The following LRBA variants were observed in gnomAD, a reference collection of about 807,000 sequenced individuals.
LRBA encodes the protein lipopolysaccharide-responsive and beige-like anchor protein.
In LRBA, 176 loss-of-function variants were observed where a neutral mutation model predicts 330.0. The ratio of observed to expected loss-of-function variants is 0.53; its 90% CI spans 0.47 to 0.60. LRBA has a LOEUF of 0.60. LRBA is among the 20% of genes least tolerant of loss of function. LRBA has a pLI of 0.00. For synonymous variants in LRBA, 1,230 were observed against 1,193.0 expected (o/e 1.03, Z -0.64); for missense variants, 3,259 against 3,444.8 (o/e 0.95, Z 1.35).
chr4:150,379,640 C>G (rs1229234481), intron 47 of LRBA, among the ~76,000 whole-genome samples: 1 of 152,128 alleles, frequency 6.6e-6, no homozygotes, highest in East Asian at 1.9e-4. Context: ...AAACTATCAT[C>G]ATTACAGGAA....
chr4:150,472,848 G>T (rs1402223866), intron 42 of LRBA, among the ~76,000 whole-genome samples: 1 of 152,002 alleles, frequency 6.6e-6, no homozygotes, highest in Non-Finnish European at 1.5e-5. Context: ...TTGCTGACTA[G>T]TATCCCACTG....
chr4:150,521,467 CT>C (rs776259019), intron 40 of LRBA, among the ~76,000 whole-genome samples: 2 of 152,096 alleles, frequency 1.3e-5, no homozygotes, highest in Non-Finnish European at 2.9e-5. Flanking sequence ...GTTGCCTGGT[CT>C]GGTCTTGAAC....
intron 40 of LRBA, among the ~76,000 whole-genome samples, chr4:150,587,040 A>C (rs1344440976): frequency 1.3e-5 from 2 of 152,172 alleles, no homozygotes; most frequent in Non-Finnish European, 2.9e-5. Flanking sequence ...AGCTCAAAAC[A>C]ATCAGTTTCA....
chr4:150,630,302 G>C (rs980634489), intron 37 of LRBA, among the ~76,000 whole-genome samples: 1 of 152,110 alleles, frequency 6.6e-6, no homozygotes, highest in Admixed American at 6.6e-5. Flanking sequence ...ATCCTAAAAA[G>C]ATGTGTTGAC....
chr4:150,441,748 T>A (rs932212752), intron 44 of LRBA, among the ~76,000 whole-genome samples: 1 of 151,990 alleles, frequency 6.6e-6, no homozygotes, highest in Non-Finnish European at 1.5e-5. Context: ...GACTCAAACC[T>A]AGTACTCAAA....
At chr4:150,548,987 A>G (rs962573467) in intron 40 of LRBA, among the ~76,000 whole-genome samples, 2 of 152,190 alleles carry the variant, frequency 1.3e-5, no homozygotes, top group African/African-American at 4.8e-5. Flanking sequence ...GCCAAAGTCA[A>G]TCTGCCAAAA....
intron 40 of LRBA, among the ~76,000 whole-genome samples, chr4:150,536,806 A>G (rs1338914905): frequency 6.6e-6 from 1 of 152,200 alleles, no homozygotes; most frequent in Admixed American, 6.5e-5. Flanking sequence ...AGAGAACAAC[A>G]TAACATTGTG....
intron 40 of LRBA, among the ~76,000 whole-genome samples, chr4:150,546,798 T>A (rs1309597934): frequency 5.3e-5 from 8 of 152,176 alleles, no homozygotes; most frequent in African/African-American, 1.9e-4. Context: ...CCAAAGGTGA[T>A]ATAGTAGAAC....
chr4:150,531,114 T>C (rs1215942348), intron 40 of LRBA, among the ~76,000 whole-genome samples: 2 of 152,210 alleles, frequency 1.3e-5, no homozygotes, highest in African/African-American at 4.8e-5. Flanking sequence ...CACTTTAGAA[T>C]GGAAGGTACA....
chr4:150,556,739 C>A (rs931652424), intron 40 of LRBA, among the ~76,000 whole-genome samples: 1 of 152,118 alleles, frequency 6.6e-6, no homozygotes, highest in African/African-American at 2.4e-5. Flanking sequence ...GAAAAGACAT[C>A]TTTATGCATG....
chr4:150,519,947 T>G (rs1024474545), intron 40 of LRBA, among the ~76,000 whole-genome samples: 6 of 152,196 alleles, frequency 3.9e-5, no homozygotes, highest in African/African-American at 1.4e-4. Flanking sequence ...GTGCTGAACA[T>G]TTTTTCAGGT....
chr4:150,639,366 A>AG (rs1778275440), intron 37 of LRBA, among the ~76,000 whole-genome samples: 1 of 148,318 alleles, frequency 6.7e-6, no homozygotes, highest in Non-Finnish European at 1.5e-5. Context: ...ATAATAAAAA[A>AG]AAAAAAGAAA....
chr4:150,939,126 C>T (rs1735408153), intron 2 of LRBA, among the ~76,000 whole-genome samples: 1 of 152,180 alleles, frequency 6.6e-6, no homozygotes, highest in African/African-American at 2.4e-5. Flanking sequence ...ATGCTCTACA[C>T]TACTGTGCCA....
Position 150,743,074 on chromosome 4 carries a change from TATC to T in LRBA, c.5646-7711_5646-7709del, listed in dbSNP as rs536987859. Reference sequence around the variant, plus strand: ...CCTCCGCTCCCTGGGTACAAGTGATTATCATGTCTCAGCCTCCCAAGTAGCTGG... The same window carrying T: ...CCTCCGCTCCCTGGGTACAAGTGATTATGTCTCAGCCTCCCAAGTAGCTGG... On this transcript the variant is annotated intron_variant, in intron 35 of 56. Transcript: ENST00000651943. 1.4e-4 allele frequency among the ~76,000 whole-genome samples: 22 copies of T among 152,248 alleles called. No individual in the cohort carries two copies. In the South Asian group the frequency reaches 4.6e-3, roughly 32 times the overall value.
At chr4:151,014,355 G>C (rs1745191663) in intron 2 of LRBA, 72 bp downstream of exon 2, 1 of 1,271,882 alleles carries the variant, frequency 7.9e-7, no homozygotes, top group African/African-American at 1.5e-5. Context: ...AAACCACATG[G>C]CTCCAGCTTT....
chr4:150,438,674 C>T (rs1006941756), intron 44 of LRBA, among the ~76,000 whole-genome samples: 9 of 151,978 alleles, frequency 5.9e-5, no homozygotes, highest in African/African-American at 1.9e-4. Flanking sequence ...AAAAGGGATG[C>T]ACTGAGAAAT....
Position 150,716,861 on chromosome 4 carries a change from G to A in LRBA, c.5754+18397C>T, listed in dbSNP as rs574861148. Among the ~76,000 whole-genome samples, 3 of 152,314 alleles carry A rather than the reference G, an allele frequency of 2.0e-5. No individual in the cohort carries two copies. The South Asian group carries it at 6.2e-4, about 32-fold the overall frequency. On this transcript the variant is annotated intron_variant, in intron 36 of 56. Coordinates refer to ENST00000651943, the MANE Select transcript of LRBA (RefSeq NM_001364905.1). ...GAAGTCGACAGAGGCTATGGGGACA[G>A]ACTGTACTGGGTTATTGTTATGAAA...
At position 150,852,327 on chromosome 4, in the gene LRBA, T is replaced by C. The variant is rs1201075724; in HGVS notation, c.3383A>G (p.Glu1128Gly). ...TGGAGACAAACTGTTATCTTGGAGCTCTGTGGGTAGATTAGCTTCCTCAGT... is the reference window on the plus strand; with the variant it reads ...TGGAGACAAACTGTTATCTTGGAGCCCTGTGGGTAGATTAGCTTCCTCAGT... ...SPTEEANLPTELQDNSLSPAA... is the reference protein window; with the variant it reads ...SPTEEANLPTGLQDNSLSPAA... Residue 1128 changes from glutamate to glycine, a missense_variant, in exon 23 of 57, where the codon GAG (glutamate) becomes GGG (glycine). Transcript: ENST00000651943. The C allele has an allele frequency of 6.2e-7, 1 of 1,614,032 alleles. No homozygotes were observed. The highest frequency in any genetic ancestry group is 8.5e-7 in the Non-Finnish European group (1 of 1,180,008).
At chr4:150,290,221 T>C (rs1465168213) in intron 53 of LRBA, among the ~76,000 whole-genome samples, 1 of 152,038 alleles carries the variant, frequency 6.6e-6, no homozygotes, top group Non-Finnish European at 1.5e-5. Context: ...AATAATCAGC[T>C]CAAACAAGAT....
Sources: allele counts gnomAD v4.1 joint callset (sites outside exome capture counted in the v4.1 genomes callset), GRCh38; gene constraint gnomAD v4.1.1; transcripts MANE v1.5; gene names NCBI Gene and HGNC (gene_info 2026-07-23, HGNC 2026-07-21).